Variants in NUBP2 observed in about 807,000 individuals in gnomAD.
NUBP2 encodes the protein NUBP iron-sulfur cluster assembly factor 2, cytosolic.
In NUBP2, 23 loss-of-function variants were observed where a neutral mutation model predicts 24.9. The observed-to-expected ratio is 0.92, with a 90% confidence interval of 0.66 to 1.31. NUBP2 has a LOEUF of 1.31. Ranked by LOEUF, NUBP2 falls within the 50% of genes most tolerant of loss-of-function variation. The pLI is 0.00. For missense variants in NUBP2, 403 were observed against 386.5 expected (o/e 1.04, Z -0.36); for synonymous variants, 186 against 170.9 (o/e 1.09, Z -0.69).
Position 1,786,771 on chromosome 16 carries a change from T to C in NUBP2, c.150T>C (p.Asp50=). 2 of 1,611,266 alleles carry C rather than the reference T, an allele frequency of 1.2e-6. No homozygotes were observed. The highest frequency in any genetic ancestry group is 1.7e-6 in the Non-Finnish European group (2 of 1,178,948). ...RHAGKKVGIL[D]VDLCGPSIPR... Reference sequence around the variant, plus strand: ...GCTCCTTGCAGGTGGGAATCCTGGATGTGGACCTGTGTGGCCCCAGTATCC... The same window carrying C: ...GCTCCTTGCAGGTGGGAATCCTGGACGTGGACCTGTGTGGCCCCAGTATCC... Residue 50 remains aspartate, a synonymous_variant, in exon 3 of 7, where the codon GAT becomes GAC. Coordinates refer to ENST00000262302, the MANE Select transcript of NUBP2 (RefSeq NM_012225.4).
At chr16:1,788,492 T>G (rs763415680) in intron 6 of NUBP2, 77 bp from the exon 7 acceptor site, 1 of 1,480,286 alleles carries the variant, frequency 6.8e-7, no homozygotes, top group East Asian at 2.5e-5. Flanking sequence ...CACGGGTGGT[T>G]CGGGTGCGTC....
At chr16:1,788,430 C>T (rs1402456210) in intron 6 of NUBP2, 139 bp from the exon 7 acceptor site, 10 of 1,320,130 alleles carry the variant, frequency 7.6e-6, no homozygotes, top group East Asian at 5.2e-5. Context: ...CTGGGAGGGC[C>T]GCGGGTCTGG....
rs371686536 is a variant in NUBP2, at chr16:1,783,874, T to C, written c.16+838T>C. On this transcript the variant is annotated intron_variant, in intron 1 of 6. Transcript: ENST00000262302. ...ACGCCCGGCTAATTTTTTGTATTTTTAGTAGAGACGGGGTTTCACCGTGTT... is the reference window on the plus strand; with the variant it reads ...ACGCCCGGCTAATTTTTTGTATTTTCAGTAGAGACGGGGTTTCACCGTGTT... 1,621 of 264,266 alleles carry C rather than the reference T, an allele frequency of 6.1e-3. 31 individuals are homozygous for C. The highest frequency in any genetic ancestry group is 0.036 in the African/African-American group (1,559 of 43,386). The allele number at this position is 264,266 out of a possible 1,614,324, so 16.4% of individuals were successfully genotyped here.
rs1896791136 is a variant in NUBP2 at position 1,782,997 on chromosome 16, C to T, written c.-24C>T. On this transcript the variant is annotated 5_prime_UTR_variant, in exon 1 of 7. Transcript: ENST00000262302. Reference sequence around the variant, plus strand: ...GCCCGCGGGCGTAAGCGGACTGCAGCCGCGAGCTCCTGGAGGCGGCGGGAT... The same window carrying T: ...GCCCGCGGGCGTAAGCGGACTGCAGTCGCGAGCTCCTGGAGGCGGCGGGAT... The T allele has an allele frequency of 7.1e-6, 10 of 1,400,122 alleles. No homozygotes were observed. Among genetic ancestry groups the T allele is most frequent in the Non-Finnish European group, 9.3e-6 (10 of 1,073,602 alleles). The allele number at this position is 1,400,122 out of a possible 1,614,324, so 86.7% of individuals were successfully genotyped here.
intron 6 of NUBP2, 128 bp from the exon 7 acceptor site, chr16:1,788,441 A>C: frequency 7.4e-7 from 1 of 1,353,050 alleles, no homozygotes; most frequent in East Asian, 2.6e-5. Flanking sequence ...GCGGGTCTGG[A>C]GGTGGAAATC....
intron 1 of NUBP2, chr16:1,785,090 C>T (rs1896900126): frequency 3.0e-6 from 3 of 985,744 alleles, no homozygotes; most frequent in Non-Finnish European, 3.6e-6. Context: ...ATATATTTGT[C>T]CACCACGTGG....
chr16:1,787,012 G>A (rs1395346572), intron 3 of NUBP2, 57 bp downstream of exon 3: 3 of 1,427,114 alleles, frequency 2.1e-6, no homozygotes, highest in Non-Finnish European at 2.8e-6. Flanking sequence ...GTCCGTGCCG[G>A]CCTCTCCTGT....
Position 1,786,973 on chromosome 16 carries a change from C to T in NUBP2, c.334+18C>T, listed in dbSNP as rs200151808. On this transcript the variant is annotated intron_variant, in intron 3 of 6. Coordinates refer to ENST00000262302, the MANE Select transcript of NUBP2 (RefSeq NM_012225.4). ...GAAAAACGGTAACGGCCGGGCGGCG[C>T]GTCCGCCGTCCTGGTGAAGGGGGTT... The T allele has an allele frequency of 3.2e-5, 48 of 1,504,152 alleles. No homozygotes were observed. In the African/African-American group the frequency reaches 4.9e-4, roughly 15 times the overall value. 93.2% of individuals were successfully genotyped at this position (1,504,152 alleles called of 1,614,324 possible). A position where few individuals can be genotyped will look rare whatever the true frequency, so the allele number is the denominator to read the frequency against.
rs201342708 is a variant in NUBP2 at position 1,788,086 on chromosome 16, C to T, written c.600+35C>T. 3.7e-5 allele frequency: 57 copies of T among 1,560,290 alleles called. No individual in the cohort carries two copies. In the African/African-American group the frequency reaches 6.6e-4, roughly 18 times the overall value. ...GGGGGTTGCAGAGGGGGCGAGGCAG[C>T]ACCTGGCCGGTGGGGGCTTTGGGCA... On this transcript the variant is annotated intron_variant, in intron 5 of 6. Transcript: ENST00000262302.
In NUBP2 at chr16:1,787,833, T is replaced by C; in HGVS notation, c.489+2T>C. 6.2e-7 allele frequency: 1 copy of C among 1,609,290 alleles called. No homozygotes were observed. Among genetic ancestry groups the C allele is most frequent in the Non-Finnish European group, 8.5e-7 (1 of 1,178,624 alleles). ...GCCCTCGTGGTCACCACGCCCCAGGTAGCGCTGCGGCACCTTCCCGAGTCC... is the reference window on the plus strand; with the variant it reads ...GCCCTCGTGGTCACCACGCCCCAGGCAGCGCTGCGGCACCTTCCCGAGTCC... On this transcript the variant is annotated splice_donor_variant, in intron 4 of 6. Coordinates refer to ENST00000262302, the MANE Select transcript of NUBP2 (RefSeq NM_012225.4). LOFTEE classifies it high-confidence loss of function.
At chr16:1,783,695 T>C (rs917132251) in intron 1 of NUBP2, among the ~76,000 whole-genome samples, 1 of 152,206 alleles carries the variant, frequency 6.6e-6, no homozygotes, top group African/African-American at 2.4e-5. Context: ...AACCGAGTGC[T>C]GGAGTCTTTT....
intron 1 of NUBP2, 198 bp from the exon 2 acceptor site, chr16:1,786,339 C>A (rs991222861): frequency 6.4e-5 from 38 of 593,872 alleles, no homozygotes; most frequent in Admixed American, 2.7e-4. Flanking sequence ...CTTAGAGGGT[C>A]CCCCCGGGTC....
chr16:1,785,122 C>T (rs1896901473), intron 1 of NUBP2: 7 of 988,368 alleles, frequency 7.1e-6, no homozygotes, highest in Non-Finnish European at 8.4e-6. Context: ...TTTGCTAACC[C>T]ATAAAGCTGA....
chr16:1,783,322 C>A, intron 1 of NUBP2: 1 of 1,119,464 alleles, frequency 8.9e-7, no homozygotes, highest in Non-Finnish European at 1.1e-6. Context: ...TAGGCGGGCG[C>A]GGTGGCGCCT....
chr16:1,783,851 G>T (rs1001868867), intron 1 of NUBP2: 2 of 205,862 alleles, frequency 9.7e-6, no homozygotes, highest in East Asian at 1.9e-4. Flanking sequence ...CCGCCACCAC[G>T]CCCGGCTAAT....
At chr16:1,785,509 G>A in intron 1 of NUBP2, 1 of 1,196,664 alleles carries the variant, frequency 8.4e-7, no homozygotes, top group Admixed American at 3.4e-5. Flanking sequence ...GGCAGCTACA[G>A]AAGTGCATGC....
At chr16:1,788,458 C>A in intron 6 of NUBP2, 111 bp from the exon 7 acceptor site, 2 of 1,393,390 alleles carry the variant, frequency 1.4e-6, no homozygotes, top group Non-Finnish European at 1.9e-6. Flanking sequence ...AATCGTCTGG[C>A]AGCGCCTCAA....
rs139542177 is a variant in NUBP2 at position 1,787,712 on chromosome 16, G to T, written c.370G>T (p.Gly124Trp). ...IKQFVSDVAW[G>W]ELDYLVVDTP... The stretch of plus-strand genomic sequence containing the variant: ...GCAGTTTGTGTCCGACGTGGCCTGG[G>T]GGGAGCTGGACTACCTGGTGGTGGA... Residue 124 changes from glycine to tryptophan, a missense_variant, in exon 4 of 7, where the codon GGG (glycine) becomes TGG (tryptophan). By Grantham distance (184) the Gly-to-Trp change is radical (BLOSUM62 -2). Transcript: ENST00000262302. 3 of 1,612,660 alleles carry T rather than the reference G, an allele frequency of 1.9e-6. No homozygotes were observed. The highest frequency in any genetic ancestry group is 2.2e-5 in the South Asian group (2 of 91,088).
chr16:1,783,044 G>A lies in NUBP2; in HGVS notation c.16+8G>A. 1 of 1,352,472 alleles carries A rather than the reference G, an allele frequency of 7.4e-7. No homozygotes were observed. The highest frequency in any genetic ancestry group is 1.7e-5 in the South Asian group (1 of 59,978). The allele number at this position is 1,352,472 out of a possible 1,614,324, so 83.8% of individuals were successfully genotyped here. The stretch of plus-strand genomic sequence containing the variant: ...GGATGGAGGCGGCGGCCGGTGAGTG[G>A]CGGGCCAGGGTGCGGAGCCGCTCCA... On this transcript the variant is annotated splice_region_variant and intron_variant, in intron 1 of 6. Coordinates refer to ENST00000262302, the MANE Select transcript of NUBP2 (RefSeq NM_012225.4).
Sources: allele counts gnomAD v4.1 joint callset (sites outside exome capture counted in the v4.1 genomes callset), GRCh38; gene constraint gnomAD v4.1.1; transcripts MANE v1.5; gene names NCBI Gene and HGNC (gene_info 2026-07-23, HGNC 2026-07-21).